Variants in ERC2 observed in about 807,000 individuals in gnomAD.
The protein encoded by ERC2 is ELKS/RAB6-interacting/CAST family member 2, also known as ERC protein 2.
In ERC2, 42 loss-of-function variants were observed where a neutral mutation model predicts 114.8. That is an observed-to-expected ratio of 0.37 (90% CI 0.29 to 0.47). The LOEUF is 0.47. ERC2 is among the 20% of genes least tolerant of loss of function. The probability of loss-of-function intolerance (pLI) is 0.99; values close to 1 mark genes in which losing one functional copy is unlikely to be tolerated. For synonymous variants in ERC2, 454 were observed against 425.5 expected (o/e 1.07, Z -0.82); for missense variants, 939 against 1,150.7 (o/e 0.82, Z 2.66).
At chr3:56,195,227 A>G (rs1343192537) in intron 3 of ERC2, among the ~76,000 whole-genome samples, 1 of 152,184 alleles carries the variant, frequency 6.6e-6, no homozygotes, top group Non-Finnish European at 1.5e-5. Flanking sequence ...AGTGACTAAT[A>G]GGAAGGTGGC....
In ERC2 at chr3:56,434,727, C is replaced by T. The variant is rs201020011; in HGVS notation, c.281G>A (p.Arg94His). Reference protein sequence around the residue: ...RATNRAVYGGRVTAMGSSPNI... With the variant: ...RATNRAVYGGHVTAMGSSPNI... Reference sequence around the variant, plus strand: ...GGGACTACTCCCCATGGCTGTGACACGGCCTCCATATACAGCTCGATTTGT... The same window carrying T: ...GGGACTACTCCCCATGGCTGTGACATGGCCTCCATATACAGCTCGATTTGT... The change falls in exon 2 of 18, where the codon CGT becomes CAT. Residue 94 changes from arginine (R) to histidine (H), a missense_variant. Physicochemically the swap from Arg to His is conservative, Grantham distance 29. Coordinates refer to ENST00000288221, the MANE Select transcript of ERC2 (RefSeq NM_015576.3). 41 of 1,613,998 alleles carry T rather than the reference C, an allele frequency of 2.5e-5. No homozygotes were observed. The highest frequency in any genetic ancestry group is 5.5e-5 in the South Asian group (5 of 91,076).
At position 56,120,817 on chromosome 3, in the gene ERC2, T is replaced by C. The variant is rs76096797; in HGVS notation, c.1473+18692A>G. ...GCAGGGATCAGCAAACTACATTCTA[T>C]AGAGAGGTCCACCATTTTGTTTGCC... On this transcript the variant is annotated intron_variant, in intron 6 of 17. Transcript: ENST00000288221. Among the ~76,000 whole-genome samples the C allele has an allele frequency of 9.2e-5, 14 of 152,322 alleles. No individual in the cohort carries two copies. The East Asian group carries it at 2.5e-3, about 27-fold the overall frequency.
intron 17 of ERC2, among the ~76,000 whole-genome samples, chr3:55,549,424 A>G (rs1479325605): frequency 1.3e-5 from 2 of 151,292 alleles, no homozygotes; most frequent in East Asian, 1.9e-4. Context: ...CTCTCCGAAC[A>G]CAAAATGCCT....
intron 14 of ERC2, among the ~76,000 whole-genome samples, chr3:55,799,398 T>TATATATATATGCCTTATATATATATATGC (rs2070799576): frequency 6.0e-5 from 6 of 99,514 alleles, no homozygotes; most frequent in Admixed American, 2.1e-4. Context: ...TATATATGCA[T>TATATATATATGCCTTATATATATATATGC]ATATATATAT....
intron 5 of ERC2, among the ~76,000 whole-genome samples, chr3:56,142,263 G>C (rs111294981): frequency 4.8e-4 from 73 of 152,110 alleles, no homozygotes; most frequent in Middle Eastern, 3.4e-3. Context: ...TTATGATTAT[G>C]TCTTCCTTTT....
chr3:55,635,829 G>C (rs1007633029), intron 17 of ERC2, among the ~76,000 whole-genome samples: 1 of 152,034 alleles, frequency 6.6e-6, no homozygotes, highest in African/African-American at 2.4e-5. Context: ...AATAGCAATC[G>C]TTCCCATCAG....
chr3:56,067,321 G>A (rs569533495), intron 7 of ERC2, among the ~76,000 whole-genome samples: 2 of 152,120 alleles, frequency 1.3e-5, no homozygotes, highest in African/African-American at 2.4e-5. Flanking sequence ...TAGCAATTGC[G>A]AATGGAAGTT....
intron 17 of ERC2, among the ~76,000 whole-genome samples, chr3:55,650,242 C>G (rs1214306900): frequency 6.6e-6 from 1 of 152,188 alleles, no homozygotes; most frequent in Admixed American, 6.5e-5. Context: ...ATAGAGCGTT[C>G]CCTGCAAAAA....
chr3:55,834,305 A>C (rs1234657291), intron 14 of ERC2, among the ~76,000 whole-genome samples: 1 of 152,172 alleles, frequency 6.6e-6, no homozygotes. Flanking sequence ...AACAGAATAT[A>C]CATTTTTTTC....
At chr3:55,969,546 T>C (rs112523446) in intron 12 of ERC2, among the ~76,000 whole-genome samples, 2,262 of 152,258 alleles carry the variant, frequency 0.015, 57 homozygotes, top group African/African-American at 0.052. Context: ...CAGGGCCACA[T>C]GGTTCTACCT....
At chr3:55,542,956 A>T (rs898484290) in intron 17 of ERC2, among the ~76,000 whole-genome samples, 9 of 152,190 alleles carry the variant, frequency 5.9e-5, no homozygotes, top group Admixed American at 2.0e-4. Flanking sequence ...AGAGAAGGGA[A>T]TCCTCTGCAG....
chr3:55,610,428 T>G (rs1439538562), intron 17 of ERC2: 1 of 151,624 alleles, frequency 6.6e-6, no homozygotes, highest in Non-Finnish European at 1.5e-5. Context: ...ATATAAAATA[T>G]CCCCTGAGGA....
At chr3:56,348,455 A>G (rs1299867420) in intron 2 of ERC2, among the ~76,000 whole-genome samples, 1 of 151,330 alleles carries the variant, frequency 6.6e-6, no homozygotes, top group Non-Finnish European at 1.5e-5. Flanking sequence ...TAGATCTTCA[A>G]TTTTTCAAGG....
At chr3:55,586,998 G>C (rs1476515959) in intron 17 of ERC2, among the ~76,000 whole-genome samples, 5 of 152,140 alleles carry the variant, frequency 3.3e-5, no homozygotes, top group Non-Finnish European at 7.3e-5. Context: ...CTAAACTGAA[G>C]TTAGGGAACA....
At chr3:56,190,177 T>A (rs768547347) in intron 3 of ERC2, among the ~76,000 whole-genome samples, 3 of 152,194 alleles carry the variant, frequency 2.0e-5, no homozygotes, top group Non-Finnish European at 4.4e-5. Flanking sequence ...AGTGGTCCCT[T>A]CCTCCTATAA....
At chr3:56,141,240 C>T (rs536090991) in intron 5 of ERC2, among the ~76,000 whole-genome samples, 9 of 152,248 alleles carry the variant, frequency 5.9e-5, no homozygotes, top group East Asian at 1.9e-4. Context: ...ACACAAATGT[C>T]GCTCCTCACA....
chr3:55,794,887 TTTACA>T (rs1413193774), intron 14 of ERC2, among the ~76,000 whole-genome samples: 1 of 152,196 alleles, frequency 6.6e-6, no homozygotes, highest in Non-Finnish European at 1.5e-5. Flanking sequence ...ACAGGATTCA[TTTACA>T]TTACATTTAC....
At chr3:55,798,087 G>A (rs1017154539) in intron 14 of ERC2, among the ~76,000 whole-genome samples, 2 of 152,052 alleles carry the variant, frequency 1.3e-5, no homozygotes, top group African/African-American at 4.8e-5. Context: ...GGACAGAAAA[G>A]GAAAGTCTAG....
At chr3:55,813,973 T>A (rs907717446) in intron 14 of ERC2, among the ~76,000 whole-genome samples, 2 of 152,130 alleles carry the variant, frequency 1.3e-5, no homozygotes, top group African/African-American at 4.8e-5. Flanking sequence ...TCAAAGCATG[T>A]GAAAGGCGGG....
Sources: allele counts gnomAD v4.1 joint callset (sites outside exome capture counted in the v4.1 genomes callset), GRCh38; gene constraint gnomAD v4.1.1; transcripts MANE v1.5; gene names NCBI Gene and HGNC (gene_info 2026-07-23, HGNC 2026-07-21).